NAV2: variants seen among roughly 807,000 people sequenced by gnomAD.
NAV2 encodes the protein helicase, APC down-regulated 1.
In NAV2, 54 loss-of-function variants were observed where a neutral mutation model predicts 223.2. That is an observed-to-expected ratio of 0.24 (90% CI 0.19 to 0.30). The LOEUF is 0.30. NAV2 is among the 10% of genes least tolerant of loss of function. The pLI is 1.00. For missense variants in NAV2, 2,806 were observed against 3,147.5 expected (o/e 0.89, Z 2.60); for synonymous variants, 1,279 against 1,239.3 (o/e 1.03, Z -0.67).
intron 10 of NAV2, among the ~76,000 whole-genome samples, chr11:19,954,221 G>A (rs1005940777): frequency 6.6e-6 from 1 of 152,194 alleles, no homozygotes; most frequent in African/African-American, 2.4e-5. Context: ...TTTTGAGAAT[G>A]AGGCTGATCA....
intron 1 of NAV2, among the ~76,000 whole-genome samples, chr11:19,354,514 G>C (rs1364600858): frequency 6.6e-6 from 1 of 152,212 alleles, no homozygotes; most frequent in Non-Finnish European, 1.5e-5. Flanking sequence ...ATGCCTTAAA[G>C]AAAATTAATA....
intron 5 of NAV2, among the ~76,000 whole-genome samples, chr11:19,884,683 C>T (rs1410505640): frequency 1.3e-5 from 2 of 152,124 alleles, no homozygotes; most frequent in Admixed American, 6.6e-5. Context: ...TGAGTTTCTA[C>T]ATAGTTTTTA....
At chr11:19,361,730 A>G (rs1328079406) in intron 1 of NAV2, among the ~76,000 whole-genome samples, 3 of 152,156 alleles carry the variant, frequency 2.0e-5, no homozygotes, top group Non-Finnish European at 4.4e-5. Flanking sequence ...CAGCAAAGAG[A>G]GAAACGGCAA....
chr11:19,812,848 C>G (rs746712556), intron 1 of NAV2, among the ~76,000 whole-genome samples: 13 of 152,176 alleles, frequency 8.5e-5, no homozygotes, highest in African/African-American at 9.7e-5. Flanking sequence ...AAAAGGCAAT[C>G]TTAAGAGGAG....
chr11:19,898,759 A>G (rs1309090078), intron 6 of NAV2, among the ~76,000 whole-genome samples: 2 of 152,212 alleles, frequency 1.3e-5, no homozygotes, highest in African/African-American at 2.4e-5. Flanking sequence ...ATACCTATTT[A>G]TATACCCATC....
chr11:19,613,690 G>A (rs1411814471), intron 1 of NAV2, among the ~76,000 whole-genome samples: 1 of 152,174 alleles, frequency 6.6e-6, no homozygotes, highest in Non-Finnish European at 1.5e-5. Flanking sequence ...TTCATCGTGG[G>A]CAAGAACCAA....
chr11:19,626,708 C>T (rs868776586), intron 1 of NAV2, among the ~76,000 whole-genome samples: 41 of 152,240 alleles, frequency 2.7e-4, no homozygotes, highest in African/African-American at 9.4e-4. Flanking sequence ...TTTCTTTCAT[C>T]ACTGTTTTGT....
At chr11:19,367,551 G>T (rs918393747) in intron 1 of NAV2, among the ~76,000 whole-genome samples, 1 of 152,122 alleles carries the variant, frequency 6.6e-6, no homozygotes, top group Non-Finnish European at 1.5e-5. Context: ...TGCTCATGGT[G>T]GTGGGGTTTT....
At position 19,787,270 on chromosome 11, in the gene NAV2, C is replaced by CTTTTTTTTTTTTTTTTTTT. The variant is rs757183666; in HGVS notation, c.268-45204_268-45186dup. ...CATGCCTGGCTAATTTTTATTGGAT[C>CTTTTTTTTTTTTTTTTTTT]TTTTTTTTTTTTTTTTTTTTTTTTT... On this transcript the variant is annotated intron_variant, in intron 1 of 37. Coordinates refer to ENST00000349880, the MANE Select transcript of NAV2 (RefSeq NM_145117.5). 5.5e-5 allele frequency among the ~76,000 whole-genome samples: 3 copies of CTTTTTTTTTTTTTTTTTTT among 55,008 alleles called. 1 individual carries two copies. Among genetic ancestry groups the CTTTTTTTTTTTTTTTTTTT allele is most frequent in the Non-Finnish European group, 1.1e-4 (3 of 28,460 alleles). The allele number at this position is 55,008 out of a possible 152,430, so 36.1% of individuals were successfully genotyped here.
At chr11:19,727,025 A>T (rs762601276) in intron 1 of NAV2, among the ~76,000 whole-genome samples, 1 of 152,178 alleles carries the variant, frequency 6.6e-6, no homozygotes, top group Non-Finnish European at 1.5e-5. Flanking sequence ...CATAAGACAG[A>T]CTTCCGAAAT....
intron 1 of NAV2, among the ~76,000 whole-genome samples, chr11:19,653,382 C>A (rs1237434970): frequency 1.3e-5 from 2 of 152,164 alleles, no homozygotes; most frequent in Non-Finnish European, 2.9e-5. Flanking sequence ...GTAAGGAGGA[C>A]AAGAGGAAGA....
intron 1 of NAV2, among the ~76,000 whole-genome samples, chr11:19,375,051 C>T (rs1848596619): frequency 6.6e-6 from 1 of 152,234 alleles, no homozygotes; most frequent in Non-Finnish European, 1.5e-5. Context: ...ATGTCCTTCT[C>T]TCTAGGCACA....
chr11:19,949,867 C>T lies in NAV2; in HGVS notation c.2645+787C>T, dbSNP rs190493970. Among the ~76,000 whole-genome samples the T allele has an allele frequency of 2.0e-3, 308 of 152,272 alleles. 2 individuals carry two copies. The highest frequency in any genetic ancestry group is 3.5e-3 in the Non-Finnish European group (235 of 68,040). On this transcript the variant is annotated intron_variant, in intron 10 of 37. Transcript: ENST00000349880. ...ATAAATATTGCTAAATCAATGAACA[C>T]GTGAATCAGTGAATGAATGAACAAA... is the stretch of plus-strand genomic sequence containing the variant.
At chr11:19,679,789 C>A (rs1354198424) in intron 1 of NAV2, among the ~76,000 whole-genome samples, 3 of 152,214 alleles carry the variant, frequency 2.0e-5, no homozygotes, top group Non-Finnish European at 4.4e-5. Context: ...TAGGTATGAG[C>A]TTCCTGAGGG....
chr11:20,085,946 C>T (rs1456633540), intron 26 of NAV2, among the ~76,000 whole-genome samples: 1 of 152,210 alleles, frequency 6.6e-6, no homozygotes, highest in Non-Finnish European at 1.5e-5. Context: ...CACATAGCAG[C>T]CTCTGCCACC....
chr11:19,949,188 C>A, intron 10 of NAV2, 108 bp downstream of exon 10: 1 of 1,235,502 alleles, frequency 8.1e-7, no homozygotes, highest in Non-Finnish European at 1.1e-6. Context: ...AAACTGCCCA[C>A]CTGAGTTTCT....
intron 26 of NAV2, among the ~76,000 whole-genome samples, chr11:20,084,308 A>G (rs999910758): frequency 8.5e-5 from 13 of 152,078 alleles, no homozygotes; most frequent in African/African-American, 2.4e-4. Context: ...GTATTGGTCA[A>G]TCTGGTCTCG....
intron 11 of NAV2, among the ~76,000 whole-genome samples, chr11:20,023,767 G>C (rs1190562085): frequency 6.6e-6 from 1 of 150,680 alleles, no homozygotes; most frequent in Non-Finnish European, 1.5e-5. Context: ...GGCATGGGAG[G>C]TTTAAGCATA....
chr11:19,756,688 C>G (rs1165266948), intron 1 of NAV2, among the ~76,000 whole-genome samples: 10 of 152,174 alleles, frequency 6.6e-5, no homozygotes. Flanking sequence ...CTCTGTTGTG[C>G]CTTGGACTAA....
Sources: allele counts gnomAD v4.1 joint callset (sites outside exome capture counted in the v4.1 genomes callset), GRCh38; gene constraint gnomAD v4.1.1; transcripts MANE v1.5; gene names NCBI Gene and HGNC (gene_info 2026-07-23, HGNC 2026-07-21).